SLC25A21: variants seen among roughly 807,000 people sequenced by gnomAD.
SLC25A21 encodes mitochondrial 2-oxodicarboxylate carrier.
Under a neutral mutation model 43.8 loss-of-function variants are expected in SLC25A21, and 47 were observed. That is an observed-to-expected ratio of 1.07 (90% CI 0.85 to 1.37). The LOEUF (loss-of-function observed/expected upper bound fraction) is 1.37, where lower values mean the gene tolerates loss of function less well. SLC25A21 is among the 40% of genes most tolerant of loss of function. The pLI is 0.00. For synonymous variants in SLC25A21, 131 were observed against 121.3 expected (o/e 1.08, Z -0.52); for missense variants, 352 against 350.2 (o/e 1.00, Z -0.04).
At chr14:37,091,372 T>G (rs1336703143) in intron 1 of SLC25A21, among the ~76,000 whole-genome samples, 1 of 150,916 alleles carries the variant, frequency 6.6e-6, no homozygotes, top group African/African-American at 2.4e-5. Context: ...AGGCAAAGCT[T>G]GAAGTGAACC....
At chr14:36,985,329 A>G (rs943763483) in intron 1 of SLC25A21, among the ~76,000 whole-genome samples, 1 of 152,124 alleles carries the variant, frequency 6.6e-6, no homozygotes, top group African/African-American at 2.4e-5. Context: ...AACCTGCACA[A>G]TGTGCACATG....
intron 1 of SLC25A21, among the ~76,000 whole-genome samples, chr14:37,086,511 A>G (rs1336849117): frequency 6.6e-6 from 1 of 152,198 alleles, no homozygotes; most frequent in Non-Finnish European, 1.5e-5. Flanking sequence ...CAGTAAATTT[A>G]GGTGTTTGTA....
rs1594479983 is a variant in SLC25A21, at chr14:36,680,018, T to C, written c.*640A>G. ...ATACCTATTTATTATCTTACAGCAA[T>C]ATGAGATATAAAGTAGATGTAGGAA... On this transcript the variant is annotated 3_prime_UTR_variant, in exon 10 of 10. Transcript: ENST00000331299. 1.2e-6 allele frequency: 1 copy of C among 856,212 alleles called. No individual in the cohort carries two copies. The highest frequency in any genetic ancestry group is 1.4e-6 in the Non-Finnish European group (1 of 713,440). 53.0% of individuals were successfully genotyped at this position (856,212 alleles called of 1,614,324 possible).
chr14:36,959,948 A>G (rs1230844022), intron 1 of SLC25A21, among the ~76,000 whole-genome samples: 1 of 152,198 alleles, frequency 6.6e-6, no homozygotes. Flanking sequence ...TGTAATGATC[A>G]TATAATGTCT....
rs866896452 is a variant in SLC25A21, at chr14:36,711,392, C to A, written c.529G>T (p.Gly177Ter). The change falls in exon 7 of 10, where the codon GGA becomes TGA. Residue 177 changes from glycine (G) to a stop codon, truncating the protein, a stop_gained. Transcript: ENST00000331299. LOFTEE classifies it high-confidence loss of function. ...ACCATGTTGAAAACTCCATGTCGTC[C>A]CAAAGTTGCAGTTAATCCTTTGTTG... The part of the protein sequence containing the change: ...GLNKGLTATL[G>*]RHGVFNMVYF... The A allele has an allele frequency of 6.2e-6, 10 of 1,613,916 alleles. No individual in the cohort carries two copies. The highest frequency in any genetic ancestry group is 8.5e-6 in the Non-Finnish European group (10 of 1,179,998).
chr14:36,731,595 C>T lies in SLC25A21; in HGVS notation c.271-2029G>A, dbSNP rs80248984. On this transcript the variant is annotated intron_variant, in intron 4 of 9. Coordinates refer to ENST00000331299, the MANE Select transcript of SLC25A21 (RefSeq NM_030631.4). ...AAGTATATGAGCACTCCTCTCAATG[C>T]CCTGGGGCTGCTGAAGCTTTCCAGT... 9.0e-3 allele frequency among the ~76,000 whole-genome samples: 1,364 copies of T among 152,270 alleles called. 18 individuals are homozygous for T. The highest frequency in any genetic ancestry group is 0.031 in the African/African-American group (1,283 of 41,554).
intron 1 of SLC25A21, among the ~76,000 whole-genome samples, chr14:37,068,929 C>T: frequency 6.6e-6 from 1 of 152,172 alleles, no homozygotes; most frequent in East Asian, 1.9e-4. Context: ...AATCCCAGCA[C>T]TTTGGGAGGT....
intron 3 of SLC25A21, among the ~76,000 whole-genome samples, chr14:36,751,554 C>A (rs1019734897): frequency 6.6e-6 from 1 of 152,190 alleles, no homozygotes; most frequent in Non-Finnish European, 1.5e-5. Flanking sequence ...ACATTTCCCA[C>A]CAAAGCCACT....
At chr14:36,948,302 G>A (rs552252087) in intron 1 of SLC25A21, among the ~76,000 whole-genome samples, 6 of 152,254 alleles carry the variant, frequency 3.9e-5, no homozygotes, top group Non-Finnish European at 5.9e-5. Context: ...TTCTTAGTTG[G>A]TATATAGCTT....
chr14:36,678,583 T>G lies in SLC25A21; in HGVS notation c.*2075A>C. ...ACCATACCATACAGGGACTCTCCTG[T>G]CATCTGAAAAACTGATGTAAGGTAC... is the stretch of plus-strand genomic sequence containing the variant. On this transcript the variant is annotated 3_prime_UTR_variant, in exon 10 of 10. Transcript: ENST00000331299. 1 of 1,515,602 alleles carries G rather than the reference T, an allele frequency of 6.6e-7. No individual in the cohort carries two copies. Among genetic ancestry groups the G allele is most frequent in the Non-Finnish European group, 8.8e-7 (1 of 1,136,876 alleles). The allele number at this position is 1,515,602 out of a possible 1,614,324, so 93.9% of individuals were successfully genotyped here. A position where few individuals can be genotyped will look rare whatever the true frequency, so the allele number is the denominator to read the frequency against.
chr14:37,172,227 C>G (rs1964144392), intron 1 of SLC25A21, 54 bp downstream of exon 1: 2 of 1,518,372 alleles, frequency 1.3e-6, no homozygotes, highest in Non-Finnish European at 1.8e-6. Flanking sequence ...GGTTTCAGGA[C>G]ACGCGGTGGG....
rs778550151 is a variant in SLC25A21, at chr14:36,861,097, TG to T, written c.119+13858del. Among the ~76,000 whole-genome samples the T allele has an allele frequency of 3.7e-4, 57 of 152,194 alleles. 1 individual carries two copies. The highest frequency in any genetic ancestry group is 7.3e-4 in the Non-Finnish European group (50 of 68,038). ...CATTATGTCAAAACTAAATCTCAGC[TG>T]TGCCCTGACTGCAAAGCAAAAGCAT... On this transcript the variant is annotated intron_variant, in intron 2 of 9. Transcript: ENST00000331299.
intron 1 of SLC25A21, among the ~76,000 whole-genome samples, chr14:37,007,796 A>G (rs1960640442): frequency 6.6e-6 from 1 of 152,120 alleles, no homozygotes; most frequent in Admixed American, 6.5e-5. Context: ...ATATTTCAAA[A>G]TAGACTAAAT....
At chr14:37,057,377 T>C (rs2138807043) in intron 1 of SLC25A21, among the ~76,000 whole-genome samples, 1 of 152,326 alleles carries the variant, frequency 6.6e-6, no homozygotes, top group East Asian at 1.9e-4. Context: ...TTATGATGAA[T>C]TTAAATTGGA....
At chr14:37,116,075 A>G (rs957904260) in intron 1 of SLC25A21, among the ~76,000 whole-genome samples, 4 of 152,182 alleles carry the variant, frequency 2.6e-5, no homozygotes, top group African/African-American at 9.7e-5. Context: ...AAACTCAAAG[A>G]GTTTTGAAGT....
At chr14:36,965,714 C>T (rs1959597377) in intron 1 of SLC25A21, among the ~76,000 whole-genome samples, 1 of 152,032 alleles carries the variant, frequency 6.6e-6, no homozygotes, top group Non-Finnish European at 1.5e-5. Flanking sequence ...GTTTATTCTC[C>T]ACTCTCTCAT....
At chr14:36,781,275 A>C (rs975406821) in intron 3 of SLC25A21, among the ~76,000 whole-genome samples, 1 of 152,118 alleles carries the variant, frequency 6.6e-6, no homozygotes, top group African/African-American at 2.4e-5. Flanking sequence ...AGTTTTTTTA[A>C]ATCCGTTCAG....
At chr14:37,155,735 A>G (rs1963836673) in intron 1 of SLC25A21, among the ~76,000 whole-genome samples, 1 of 152,218 alleles carries the variant, frequency 6.6e-6, no homozygotes, top group African/African-American at 2.4e-5. Context: ...TCCTAAATGA[A>G]GGAGAAATAA....
chr14:37,163,297 T>A (rs1162983434), intron 1 of SLC25A21, among the ~76,000 whole-genome samples: 1 of 147,970 alleles, frequency 6.8e-6, no homozygotes, highest in East Asian at 1.9e-4. Flanking sequence ...ATAATAATAA[T>A]AAATAAATAA....
Sources: gnomAD v4.1 joint callset for allele counts (sites outside exome capture counted in the v4.1 genomes callset) on GRCh38, gnomAD v4.1.1 for gene constraint, MANE v1.5 for transcripts, NCBI Gene and HGNC (gene_info 2026-07-23, HGNC 2026-07-21) for gene names.